ADAMTSL1: variants seen among roughly 807,000 people sequenced by gnomAD.
ADAMTSL1 encodes ADAMTS-like protein 1.
ADAMTSL1 carries 126 observed loss-of-function variants against 201.8 expected under a neutral mutation model. That is an observed-to-expected ratio of 0.62 (90% CI 0.54 to 0.72). The LOEUF (loss-of-function observed/expected upper bound fraction) is 0.72. ADAMTSL1 is among the 30% of genes least tolerant of loss of function. The probability of loss-of-function intolerance (pLI) is 0.00; values close to 1 mark genes in which losing one functional copy is unlikely to be tolerated. For synonymous variants in ADAMTSL1, 1,121 were observed against 903.4 expected (o/e 1.24, Z -4.32); for missense variants, 2,679 against 2,277.8 (o/e 1.18, Z -3.59).
rs1818161108 is a variant in ADAMTSL1, at chr9:17,970,469, A to ACTCC, written c.87+63547_87+63548insCTCC. 4.6e-5 allele frequency among the ~76,000 whole-genome samples: 7 copies of ACTCC among 152,138 alleles called. No individual in the cohort carries two copies. The East Asian group carries it at 9.7e-4, about 21-fold the overall frequency. Reference sequence around the variant, plus strand: ...GGGTGTGGAGTACAGGCCTTGTGGTAACCTAGCCTGAGCCACTTGGACAGC... The same window carrying ACTCC: ...GGGTGTGGAGTACAGGCCTTGTGGTACTCCACCTAGCCTGAGCCACTTGGACAGC... On this transcript the variant is annotated intron_variant, in intron 1 of 29. Coordinates refer to the ADAMTSL1 transcript ENST00000680146.
At chr9:18,326,196 A>T (rs908234581) in intron 2 of ADAMTSL1, among the ~76,000 whole-genome samples, 3 of 152,220 alleles carry the variant, frequency 2.0e-5, no homozygotes, top group Admixed American at 6.5e-5. Flanking sequence ...AAATATTCAA[A>T]CCATAGCAGC....
At chr9:18,821,561 A>G (rs1283607356) in intron 21 of ADAMTSL1, among the ~76,000 whole-genome samples, 3 of 152,232 alleles carry the variant, frequency 2.0e-5, no homozygotes, top group African/African-American at 7.2e-5. Flanking sequence ...CTGGGTACTC[A>G]GGAAAAAGAG....
At chr9:18,759,417 T>C (rs1389178717) in intron 16 of ADAMTSL1, among the ~76,000 whole-genome samples, 1 of 152,160 alleles carries the variant, frequency 6.6e-6, no homozygotes, top group African/African-American at 2.4e-5. Context: ...ATACCTTTGG[T>C]TTGGATTAGA....
intron 2 of ADAMTSL1, among the ~76,000 whole-genome samples, chr9:18,211,845 C>T (rs1829885042): frequency 6.6e-6 from 1 of 152,172 alleles, no homozygotes; most frequent in Non-Finnish European, 1.5e-5. Flanking sequence ...ATTCCCAAAG[C>T]AAAAATGTTG....
At chr9:18,538,513 G>T (rs1172275964) in intron 3 of ADAMTSL1, among the ~76,000 whole-genome samples, 2 of 151,958 alleles carry the variant, frequency 1.3e-5, no homozygotes, top group Admixed American at 1.3e-4. Context: ...ACTAGATTTG[G>T]ATCTGAATGC....
intron 1 of ADAMTSL1, among the ~76,000 whole-genome samples, chr9:17,940,863 C>T (rs1015308818): frequency 7.6e-5 from 10 of 132,114 alleles, no homozygotes; most frequent in African/African-American, 1.1e-4. Context: ...TCCCATGGCC[C>T]GAAGAGTGGT....
At chr9:18,816,398 G>A (rs181975135) in intron 20 of ADAMTSL1, among the ~76,000 whole-genome samples, 9 of 151,980 alleles carry the variant, frequency 5.9e-5, no homozygotes, top group Admixed American at 3.3e-4. Context: ...CACCACACCC[G>A]GTTAATTTTT....
chr9:18,154,292 T>C (rs961139333), intron 1 of ADAMTSL1, among the ~76,000 whole-genome samples: 1 of 152,070 alleles, frequency 6.6e-6, no homozygotes, highest in African/African-American at 2.4e-5. Context: ...CCATAATTTA[T>C]GGGTTGACCG....
chr9:18,386,729 G>T (rs115043716), intron 2 of ADAMTSL1, among the ~76,000 whole-genome samples: 20 of 152,198 alleles, frequency 1.3e-4, no homozygotes, highest in African/African-American at 4.6e-4. Flanking sequence ...GTCATCGTGT[G>T]TCTTTTTATG....
intron 3 of ADAMTSL1, among the ~76,000 whole-genome samples, chr9:18,546,478 C>T (rs935930130): frequency 6.6e-6 from 1 of 152,034 alleles, no homozygotes; most frequent in African/African-American, 2.4e-5. Flanking sequence ...AGTAAATATA[C>T]TTTATAGCTC....
chr9:18,213,692 A>G (rs1212950889), intron 2 of ADAMTSL1, among the ~76,000 whole-genome samples: 2 of 152,180 alleles, frequency 1.3e-5, no homozygotes, highest in African/African-American at 4.8e-5. Flanking sequence ...AACCTCAGAG[A>G]TAGAGGAAGT....
In ADAMTSL1 at chr9:18,890,758, G is replaced by A. The variant is rs116951998; in HGVS notation, c.4643+1010G>A. ...CCAGCTCCTGAAAAATTGCTGAAAC[G>A]TATATTTGGAAATAAAAGTTGATGG... On this transcript the variant is annotated intron_variant, in intron 25 of 28. Coordinates refer to ENST00000380548, the MANE Select transcript of ADAMTSL1 (RefSeq NM_001040272.6). 2.0e-5 allele frequency: 7 copies of A among 344,194 alleles called. No homozygotes were observed. In the East Asian group the frequency reaches 2.4e-4, roughly 12 times the overall value. The allele number at this position is 344,194 out of a possible 1,614,324, so 21.3% of individuals were successfully genotyped here. A position where few individuals can be genotyped will look rare whatever the true frequency, so the allele number is the denominator to read the frequency against.
chr9:18,617,521 G>A (rs1244255830), intron 4 of ADAMTSL1, among the ~76,000 whole-genome samples: 1 of 150,950 alleles, frequency 6.6e-6, no homozygotes, highest in Non-Finnish European at 1.5e-5. Context: ...GGGCTGGGTC[G>A]GGGGGCAGTT....
chr9:18,039,545 A>G (rs984404089), intron 1 of ADAMTSL1, among the ~76,000 whole-genome samples: 17 of 152,098 alleles, frequency 1.1e-4, no homozygotes, highest in African/African-American at 3.6e-4. Context: ...GTTTCTTTCT[A>G]CGGAACAAAC....
intron 2 of ADAMTSL1, among the ~76,000 whole-genome samples, chr9:18,374,745 C>G (rs1044622161): frequency 6.6e-6 from 1 of 152,184 alleles, no homozygotes; most frequent in Non-Finnish European, 1.5e-5. Flanking sequence ...CCTCACCTGT[C>G]TACATGACCT....
At chr9:18,434,266 A>G (rs1305032459) in intron 2 of ADAMTSL1, among the ~76,000 whole-genome samples, 2 of 152,208 alleles carry the variant, frequency 1.3e-5, no homozygotes, top group East Asian at 3.9e-4. Flanking sequence ...TTTTCATGAA[A>G]AAAACAAGAG....
At chr9:18,824,690 C>CTTTTTTTTTTTTTTTTTTTT (rs34551511) in intron 21 of ADAMTSL1, among the ~76,000 whole-genome samples, 1 of 75,706 alleles carries the variant, frequency 1.3e-5, no homozygotes, top group Non-Finnish European at 2.2e-5. Context: ...GGACTTGACC[C>CTTTTTTTTTTTTTTTTTTTT]TTTTTTTTTT....
chr9:18,558,983 T>A (rs1437766288), intron 3 of ADAMTSL1, among the ~76,000 whole-genome samples: 3 of 152,242 alleles, frequency 2.0e-5, no homozygotes, highest in African/African-American at 4.8e-5. Flanking sequence ...TGATAGTTTA[T>A]TTTGCTGTGC....
At chr9:18,248,831 G>A (rs1446490078) in intron 2 of ADAMTSL1, among the ~76,000 whole-genome samples, 1 of 152,108 alleles carries the variant, frequency 6.6e-6, no homozygotes, top group Non-Finnish European at 1.5e-5. Flanking sequence ...GATAGGATTA[G>A]GCAAGAATGT....
Sources: gnomAD v4.1 joint callset for allele counts (sites outside exome capture counted in the v4.1 genomes callset) on GRCh38, gnomAD v4.1.1 for gene constraint, MANE v1.5 for transcripts, NCBI Gene and HGNC (gene_info 2026-07-23, HGNC 2026-07-21) for gene names.